SHC3: variants seen among roughly 807,000 people sequenced by gnomAD.
SHC3 encodes the protein SHC-transforming protein 3.
Under a neutral mutation model 60.4 loss-of-function variants are expected in SHC3, and 15 were observed. The ratio of observed to expected loss-of-function variants is 0.25; its 90% CI spans 0.17 to 0.38. The LOEUF (loss-of-function observed/expected upper bound fraction) is 0.38, where lower values mean the gene tolerates loss of function less well. SHC3 is among the 10% of genes least tolerant of loss of function. The pLI, the probability that SHC3 is intolerant of heterozygous loss-of-function variation, is 1.00. For missense variants in SHC3, 677 were observed against 786.1 expected (o/e 0.86, Z 1.66); for synonymous variants, 294 against 325.9 (o/e 0.90, Z 1.05).
At chr9:89,102,703 A>G (rs911026267) in intron 2 of SHC3, among the ~76,000 whole-genome samples, 5 of 152,240 alleles carry the variant, frequency 3.3e-5, no homozygotes, top group African/African-American at 1.2e-4. Flanking sequence ...TTTAAGCTAA[A>G]CAATGTACAG....
At chr9:89,136,332 T>G (rs1236702886) in intron 1 of SHC3, among the ~76,000 whole-genome samples, 1 of 152,202 alleles carries the variant, frequency 6.6e-6, no homozygotes, top group Non-Finnish European at 1.5e-5. Context: ...TAAGGCATTC[T>G]AAGTCACAGG....
intron 1 of SHC3, among the ~76,000 whole-genome samples, chr9:89,120,262 A>G (rs1157358259): frequency 6.6e-6 from 1 of 152,246 alleles, no homozygotes; most frequent in Non-Finnish European, 1.5e-5. Flanking sequence ...AAACAAAACA[A>G]ATGACATAGG....
At chr9:89,161,640 G>A (rs1826708578) in intron 1 of SHC3, among the ~76,000 whole-genome samples, 1 of 151,912 alleles carries the variant, frequency 6.6e-6, no homozygotes, top group Non-Finnish European at 1.5e-5. Context: ...ATATCATACT[G>A]AATGGGCAAA....
intron 6 of SHC3, among the ~76,000 whole-genome samples, chr9:89,060,810 G>A (rs939937388): frequency 1.3e-5 from 2 of 152,156 alleles, no homozygotes; most frequent in African/African-American, 4.8e-5. Context: ...GAGCCTGTCA[G>A]GGGGCAGCAG....
At chr9:89,052,348 A>G (rs1824875813) in intron 6 of SHC3, among the ~76,000 whole-genome samples, 185 bp from the exon 7 acceptor site, 1 of 152,202 alleles carries the variant, frequency 6.6e-6, no homozygotes, top group Admixed American at 6.5e-5. Flanking sequence ...ACATCTCACA[A>G]TAGGCATGCA....
At chr9:89,052,777 G>A (rs903848964) in intron 6 of SHC3, among the ~76,000 whole-genome samples, 20 of 152,198 alleles carry the variant, frequency 1.3e-4, no homozygotes, top group African/African-American at 4.3e-4. Context: ...ATGCATCTAC[G>A]TAAATTTGAG....
At position 89,178,250 on chromosome 9, in the gene SHC3, C is replaced by A. The variant is rs1419183609; in HGVS notation, c.211G>T (p.Val71Leu). ...GAGCTGGAGAGTTTCAGGTGGGACA[C>A]CTTGTGGAGCAGGTGGCCCAGGCTG... is the stretch of plus-strand genomic sequence containing the variant. ...PGSLGHLLHK[V>L]SHLKLSSSGL... The change falls in exon 1 of 12, where the codon GTG (valine) becomes TTG (leucine). Residue 71 changes from valine (V) to leucine (L), a missense_variant. Transcript: ENST00000375835. The surrounding 1 kb of genome is among the most constrained non-coding windows in gnomAD (Gnocchi z 6.9). 5 of 1,525,970 alleles carry A rather than the reference C, an allele frequency of 3.3e-6. No individual in the cohort carries two copies. Among genetic ancestry groups the A allele is most frequent in the Non-Finnish European group, 4.4e-6 (5 of 1,138,866 alleles). The allele number at this position is 1,525,970 out of a possible 1,614,324, so 94.5% of individuals were successfully genotyped here. A position where few individuals can be genotyped will look rare whatever the true frequency, so the allele number is the denominator to read the frequency against.
At chr9:89,098,733 C>A (rs186111243) in intron 2 of SHC3, among the ~76,000 whole-genome samples, 2 of 152,200 alleles carry the variant, frequency 1.3e-5, no homozygotes, top group East Asian at 3.9e-4. Flanking sequence ...ACAGCGTGAA[C>A]CTGGGAGGCG....
intron 1 of SHC3, among the ~76,000 whole-genome samples, chr9:89,118,938 T>C (rs1489094799): frequency 1.3e-5 from 2 of 152,172 alleles, no homozygotes; most frequent in Non-Finnish European, 2.9e-5. Context: ...AGATACACCT[T>C]ATGCCTTAAT....
At chr9:89,052,776 C>T (rs1043756546) in intron 6 of SHC3, among the ~76,000 whole-genome samples, 4 of 152,160 alleles carry the variant, frequency 2.6e-5, no homozygotes, top group African/African-American at 7.2e-5. Context: ...CATGCATCTA[C>T]GTAAATTTGA....
chr9:89,057,390 T>G (rs935231992), intron 6 of SHC3, among the ~76,000 whole-genome samples: 10 of 150,362 alleles, frequency 6.7e-5, no homozygotes, highest in Admixed American at 4.0e-4. Flanking sequence ...GATGAGTTTC[T>G]CAGTACATGT....
At chr9:89,045,594 T>C (rs770635586) in intron 9 of SHC3, 152 bp downstream of exon 9, 2 of 684,410 alleles carry the variant, frequency 2.9e-6, no homozygotes, top group Non-Finnish European at 4.9e-6. Context: ...CTTCTATTTC[T>C]ATAGTCTAGT....
intron 1 of SHC3, among the ~76,000 whole-genome samples, chr9:89,147,462 G>A (rs1826486424): frequency 6.6e-6 from 1 of 151,888 alleles, no homozygotes; most frequent in Non-Finnish European, 1.5e-5. Context: ...CTGCATATGC[G>A]ATTCCTCCTT....
intron 2 of SHC3, among the ~76,000 whole-genome samples, chr9:89,094,424 G>A (rs1441401846): frequency 1.3e-5 from 2 of 152,194 alleles, no homozygotes; most frequent in African/African-American, 2.4e-5. Flanking sequence ...TGGAAGGAAG[G>A]CAGGGGCCCA....
intron 10 of SHC3, 144 bp downstream of exon 10, chr9:89,041,882 A>T: frequency 9.6e-7 from 1 of 1,041,580 alleles, no homozygotes; most frequent in Non-Finnish European, 1.4e-6. Context: ...AAACCCAATC[A>T]TCACCCAGAA....
chr9:89,141,138 CA>C (rs1457312678), intron 1 of SHC3, among the ~76,000 whole-genome samples: 2 of 152,244 alleles, frequency 1.3e-5, no homozygotes, highest in East Asian at 3.9e-4. Context: ...AGATATCAAA[CA>C]AGAAAGAACT....
intron 2 of SHC3, among the ~76,000 whole-genome samples, chr9:89,108,588 G>A (rs1384844593): frequency 6.6e-6 from 1 of 151,936 alleles, no homozygotes; most frequent in East Asian, 1.9e-4. Context: ...TATCCCTGAT[G>A]CATGACTGAA....
intron 2 of SHC3, 116 bp downstream of exon 2, chr9:89,112,440 C>G: frequency 2.8e-6 from 3 of 1,074,138 alleles, no homozygotes; most frequent in Admixed American, 2.1e-5. Context: ...CTCACTGTCA[C>G]CAGCCACTAA....
chr9:89,012,564 A>C lies in SHC3; in HGVS notation c.*883T>G, dbSNP rs1826026165. ...CTAGCAATTACCATAAGCAGCCTGTAGTCAACCGCTGACTAGAGGGAGACA... is the reference window on the plus strand; with the variant it reads ...CTAGCAATTACCATAAGCAGCCTGTCGTCAACCGCTGACTAGAGGGAGACA... On this transcript the variant is annotated 3_prime_UTR_variant, in exon 12 of 12. Coordinates refer to ENST00000375835, the MANE Select transcript of SHC3 (RefSeq NM_016848.6). 6.6e-6 allele frequency: 1 copy of C among 152,188 alleles called. No individual in the cohort carries two copies. Among genetic ancestry groups the C allele is most frequent in the Admixed American group, 6.5e-5 (1 of 15,274 alleles). 9.4% of individuals were successfully genotyped at this position (152,188 alleles called of 1,614,324 possible).
Sources: allele counts gnomAD v4.1 joint callset (sites outside exome capture counted in the v4.1 genomes callset), GRCh38; gene constraint gnomAD v4.1.1; non-coding constraint Gnocchi (gnomAD v3.1); transcripts MANE v1.5; gene names NCBI Gene and HGNC (gene_info 2026-07-23, HGNC 2026-07-21).